PLPP1: variants seen among roughly 807,000 people sequenced by gnomAD.
The protein encoded by PLPP1 is phospholipid phosphatase 1.
A neutral mutation model predicts 31.2 loss-of-function variants in PLPP1; 24 were observed. The observed-to-expected ratio is 0.77, with a 90% CI of 0.56 to 1.08. The LOEUF (loss-of-function observed/expected upper bound fraction) is 1.08, where lower values mean the gene tolerates loss of function less well. Ranked by LOEUF, PLPP1 falls within the 50% of genes least tolerant of loss-of-function variation. The pLI is 0.00. For synonymous variants in PLPP1, 146 were observed against 126.3 expected (o/e 1.16, Z -1.05); for missense variants, 319 against 342.7 (o/e 0.93, Z 0.55).
At chr5:55,469,054 A>T (rs1359202244) in intron 2 of PLPP1, among the ~76,000 whole-genome samples, 1 of 152,188 alleles carries the variant, frequency 6.6e-6, no homozygotes, top group Non-Finnish European at 1.5e-5. Context: ...CACTAATTTA[A>T]AAGTATAAAA....
At chr5:55,466,095 A>G (rs1332194874) in intron 3 of PLPP1, among the ~76,000 whole-genome samples, 1 of 152,198 alleles carries the variant, frequency 6.6e-6, no homozygotes, top group Non-Finnish European at 1.5e-5. Flanking sequence ...ATCACCTTTT[A>G]CCAACTATTT....
intron 3 of PLPP1, among the ~76,000 whole-genome samples, chr5:55,444,743 T>TGTGTGTGTGAGTGTGTGTGTGTG (rs368045819): frequency 7.3e-6 from 1 of 137,268 alleles, no homozygotes; most frequent in Non-Finnish European, 1.6e-5. Flanking sequence ...GGATTCTATT[T>TGTGTGTGTGAGTGTGTGTGTGTG]TGTGTGTGTG....
chr5:55,503,354 G>A (rs941042433), intron 1 of PLPP1, among the ~76,000 whole-genome samples: 5 of 152,208 alleles, frequency 3.3e-5, no homozygotes, highest in Non-Finnish European at 5.9e-5. Context: ...TCATCTGGCT[G>A]TAATGTGAGG....
At chr5:55,474,002 T>TGTTTTTTTG (rs1456463091) in intron 2 of PLPP1, among the ~76,000 whole-genome samples, 7 of 137,796 alleles carry the variant, frequency 5.1e-5, no homozygotes, top group African/African-American at 1.8e-4. Context: ...TTGTTGTTTT[T>TGTTTTTTTG]TTTTTTTTTT....
At chr5:55,508,686 GT>G (rs1175837137) in intron 1 of PLPP1, among the ~76,000 whole-genome samples, 1 of 152,196 alleles carries the variant, frequency 6.6e-6, no homozygotes, top group Non-Finnish European at 1.5e-5. Context: ...ACACTAGCTG[GT>G]GCTAGAGGAG....
chr5:55,440,854 G>A (rs796789995), intron 4 of PLPP1, among the ~76,000 whole-genome samples: 12 of 151,880 alleles, frequency 7.9e-5, no homozygotes, highest in African/African-American at 2.4e-4. Context: ...ATTATCATAC[G>A]GCACTTAATG....
At chr5:55,458,914 A>AAAAAAAAAAAAAAAAAC (rs1387046910) in intron 3 of PLPP1, among the ~76,000 whole-genome samples, 3 of 148,868 alleles carry the variant, frequency 2.0e-5, no homozygotes, top group Non-Finnish European at 3.0e-5. Flanking sequence ...AAAAAAAAAA[A>AAAAAAAAAAAAAAAAAC]AACACATAGC....
chr5:55,441,467 A>G (rs1268399378), intron 4 of PLPP1, among the ~76,000 whole-genome samples: 1 of 152,206 alleles, frequency 6.6e-6, no homozygotes, highest in Admixed American at 6.5e-5. Context: ...TTCACTTAAC[A>G]ATGATCAAAA....
intron 2 of PLPP1, among the ~76,000 whole-genome samples, chr5:55,473,073 C>A (rs1239924425): frequency 6.6e-6 from 1 of 152,148 alleles, no homozygotes; most frequent in African/African-American, 2.4e-5. Flanking sequence ...TGGCTATTTG[C>A]AACTAAAAGT....
At chr5:55,523,317 A>G (rs1297240524) in intron 1 of PLPP1, among the ~76,000 whole-genome samples, 1 of 152,126 alleles carries the variant, frequency 6.6e-6, no homozygotes, top group Admixed American at 6.6e-5. Context: ...ATCAAATACT[A>G]GATCTTATTC....
intron 4 of PLPP1, among the ~76,000 whole-genome samples, chr5:55,430,017 T>C: frequency 6.6e-6 from 1 of 152,018 alleles, no homozygotes; most frequent in Non-Finnish European, 1.5e-5. Context: ...GGTGCACCTA[T>C]CATTAACACC....
chr5:55,458,887 CAAA>C (rs529067608), intron 3 of PLPP1, among the ~76,000 whole-genome samples: 27 of 21,098 alleles, frequency 1.3e-3, no homozygotes, highest in South Asian at 2.8e-3. Flanking sequence ...ACCCTGTCTC[CAAA>C]AAAAAAAAAA....
intron 2 of PLPP1, among the ~76,000 whole-genome samples, chr5:55,472,691 A>C (rs990324783): frequency 2.0e-5 from 3 of 151,772 alleles, no homozygotes; most frequent in African/African-American, 2.4e-5. Context: ...AGATAAAGAC[A>C]GAAAGAGAGA....
At chr5:55,426,112 G>C in intron 4 of PLPP1, 73 bp from the exon 5 acceptor site, 1 of 1,315,512 alleles carries the variant, frequency 7.6e-7, no homozygotes, top group South Asian at 1.6e-5. Context: ...GGAAGGGTTG[G>C]CATTTGAAAT....
chr5:55,442,522 T>G (rs924312824), intron 3 of PLPP1, among the ~76,000 whole-genome samples: 7 of 151,700 alleles, frequency 4.6e-5, no homozygotes, highest in East Asian at 1.9e-4. Flanking sequence ...CGTGGTGGCG[T>G]GTGCCTGTAG....
chr5:55,512,480 A>AG (rs1554041596), intron 1 of PLPP1, among the ~76,000 whole-genome samples: 1 of 7,858 alleles, frequency 1.3e-4, no homozygotes, highest in Admixed American at 2.0e-3. Context: ...AAAAAAAAAA[A>AG]AAAGAAAGAA....
chr5:55,480,616 T>C (rs1752649342), intron 1 of PLPP1, among the ~76,000 whole-genome samples: 1 of 152,352 alleles, frequency 6.6e-6, no homozygotes, highest in African/African-American at 2.4e-5. Flanking sequence ...TGTTACAGCA[T>C]GCATTTTGTT....
At chr5:55,462,307 A>G (rs1752182852) in intron 3 of PLPP1, among the ~76,000 whole-genome samples, 1 of 152,254 alleles carries the variant, frequency 6.6e-6, no homozygotes, top group South Asian at 2.1e-4. Context: ...AGAGCAATGA[A>G]CTAGACTAAG....
At chr5:55,460,183 C>T (rs1380785926) in intron 3 of PLPP1, among the ~76,000 whole-genome samples, 1 of 152,076 alleles carries the variant, frequency 6.6e-6, no homozygotes, top group African/African-American at 2.4e-5. Context: ...TAAGGATCAA[C>T]TATATTTTCA....
Sources: gnomAD v4.1 joint callset for allele counts (sites outside exome capture counted in the v4.1 genomes callset) on GRCh38, gnomAD v4.1.1 for gene constraint, MANE v1.5 for transcripts, NCBI Gene and HGNC (gene_info 2026-07-23, HGNC 2026-07-21) for gene names.